ZDHHC3: variants seen among roughly 807,000 people sequenced by gnomAD.
ZDHHC3 encodes zDHHC palmitoyltransferase 3.
In ZDHHC3, 9 loss-of-function variants were observed where a neutral mutation model predicts 30.6. The ratio of observed to expected loss-of-function variants is 0.29; its 90% CI spans 0.18 to 0.51. The LOEUF (loss-of-function observed/expected upper bound fraction) is 0.51. Among genes scored for constraint, ZDHHC3 ranks in the 20% least tolerant of loss-of-function variants. The pLI is 0.97. For missense variants in ZDHHC3, 246 were observed against 384.2 expected (o/e 0.64, Z 3.01); for synonymous variants, 136 against 140.2 (o/e 0.97, Z 0.21).
At chr3:44,949,660 G>C (rs1198455379) in intron 2 of ZDHHC3, among the ~76,000 whole-genome samples, 1 of 152,104 alleles carries the variant, frequency 6.6e-6, no homozygotes, top group East Asian at 1.9e-4. Flanking sequence ...GTCTCACCTT[G>C]AGACATCCAA....
rs1039235940 is a variant in ZDHHC3 at position 44,924,017 on chromosome 3, G to C, written c.*2672C>G. 3.0e-6 allele frequency: 3 copies of C among 985,290 alleles called. No individual in the cohort carries two copies. In the East Asian group the frequency reaches 3.4e-4, roughly 112 times the overall value. 61.0% of individuals were successfully genotyped at this position (985,290 alleles called of 1,614,324 possible). On this transcript the variant is annotated 3_prime_UTR_variant, in exon 7 of 7. Coordinates refer to ENST00000424952, the MANE Select transcript of ZDHHC3 (RefSeq NM_001135179.2). Reference sequence around the variant, plus strand: ...ACCTGACAGAGTTGACAGAAGGAAAGCAAGCTGGGGATCACAATCCAACAA... The same window carrying C: ...ACCTGACAGAGTTGACAGAAGGAAACCAAGCTGGGGATCACAATCCAACAA...
intron 3 of ZDHHC3, among the ~76,000 whole-genome samples, chr3:44,938,981 A>G (rs918613627): frequency 5.9e-5 from 9 of 152,238 alleles, no homozygotes; most frequent in Non-Finnish European, 1.0e-4. Flanking sequence ...TCTGTACAAA[A>G]TAAGTTTATT....
intron 1 of ZDHHC3, among the ~76,000 whole-genome samples, chr3:44,971,490 G>T (rs902586886): frequency 6.6e-6 from 1 of 152,234 alleles, no homozygotes; most frequent in Non-Finnish European, 1.5e-5. Context: ...TGCAAAACAG[G>T]AAGGAACTAA....
At chr3:44,932,088 A>C (rs1701543627) in intron 5 of ZDHHC3, among the ~76,000 whole-genome samples, 1 of 152,166 alleles carries the variant, frequency 6.6e-6, no homozygotes, top group East Asian at 1.9e-4. Flanking sequence ...ATGATAAAAT[A>C]TCCTAATTGG....
At chr3:44,945,363 T>C in intron 2 of ZDHHC3, 71 bp from the exon 3 acceptor site, 2 of 1,600,352 alleles carry the variant, frequency 1.2e-6, no homozygotes, top group Non-Finnish European at 8.5e-7. Context: ...ACAGTGGGGA[T>C]AGTTATTTGA....
chr3:44,918,467 G>A lies in ZDHHC3; in HGVS notation c.*8222C>T, dbSNP rs1009421366. The A allele has an allele frequency of 1.0e-5, 10 of 985,434 alleles. No individual in the cohort carries two copies. Among genetic ancestry groups the A allele is most frequent in the Non-Finnish European group, 1.2e-5 (10 of 829,926 alleles). 61.0% of individuals were successfully genotyped at this position (985,434 alleles called of 1,614,324 possible). ...AGTGCAATGCCAGATGATGGGCAGG[G>A]GCTAGGCTGATGAGTGGCTGAGGCA... On this transcript the variant is annotated 3_prime_UTR_variant, in exon 7 of 7. Transcript: ENST00000424952.
Position 44,920,428 on chromosome 3 carries a change from C to T in ZDHHC3, c.*6261G>A. The T allele has an allele frequency of 7.9e-7, 1 of 1,264,322 alleles. No individual in the cohort carries two copies. The highest frequency in any genetic ancestry group is 1.0e-6 in the Non-Finnish European group (1 of 972,206). 78.3% of individuals were successfully genotyped at this position (1,264,322 alleles called of 1,614,324 possible). A position where few individuals can be genotyped will look rare whatever the true frequency, so the allele number is the denominator to read the frequency against. Reference sequence around the variant, plus strand: ...CTACAGAGGAAACACCCAAAAATGACAGACTGGCTGCATCCACACTGACTT... The same window carrying T: ...CTACAGAGGAAACACCCAAAAATGATAGACTGGCTGCATCCACACTGACTT... On this transcript the variant is annotated 3_prime_UTR_variant, in exon 7 of 7. Transcript: ENST00000424952.
rs749993628 is a variant in ZDHHC3 at position 44,919,723 on chromosome 3, A to G, written c.*6966T>C. On this transcript the variant is annotated 3_prime_UTR_variant, in exon 7 of 7. Coordinates refer to ENST00000424952, the MANE Select transcript of ZDHHC3 (RefSeq NM_001135179.2). Reference sequence around the variant, plus strand: ...TAAGGGTATGGTGTTGCCAATGTCCAGGGTTTTATATTTGTATTATGGTTG... The same window carrying G: ...TAAGGGTATGGTGTTGCCAATGTCCGGGGTTTTATATTTGTATTATGGTTG... The G allele has an allele frequency of 5.2e-5, 15 of 291,096 alleles. No individual in the cohort carries two copies. Among genetic ancestry groups the G allele is most frequent in the Middle Eastern group, 1.6e-3 (1 of 616 alleles). The allele number at this position is 291,096 out of a possible 1,614,324, so 18.0% of individuals were successfully genotyped here. A position where few individuals can be genotyped will look rare whatever the true frequency, so the allele number is the denominator to read the frequency against.
At chr3:44,962,541 AAGGGG>A (rs1553693407) in intron 1 of ZDHHC3, among the ~76,000 whole-genome samples, 1 of 142,556 alleles carries the variant, frequency 7.0e-6, no homozygotes, top group Non-Finnish European at 1.5e-5. Context: ...GGAAGGAAGG[AAGGGG>A]AGGGGAGGGG....
At chr3:44,932,975 C>G in intron 5 of ZDHHC3, 143 bp downstream of exon 5, 1 of 1,614,144 alleles carries the variant, frequency 6.2e-7, no homozygotes, top group Non-Finnish European at 8.5e-7. Flanking sequence ...CATTTCTTCC[C>G]TGTTCAGTCC....
chr3:44,933,859 G>A, intron 4 of ZDHHC3, 29 bp downstream of exon 4: 2 of 1,597,362 alleles, frequency 1.3e-6, no homozygotes, highest in Non-Finnish European at 8.6e-7. Context: ...CTTCATGGGG[G>A]GCAGGGCAGA....
intron 1 of ZDHHC3, among the ~76,000 whole-genome samples, chr3:44,972,210 C>T (rs1479463861): frequency 6.6e-6 from 1 of 152,206 alleles, no homozygotes; most frequent in Non-Finnish European, 1.5e-5. Flanking sequence ...TGCCCATAAT[C>T]ACAGCACTTT....
Position 44,926,399 on chromosome 3 carries a change from A to G in ZDHHC3, c.*290T>C. 1 of 1,142,862 alleles carries G rather than the reference A, an allele frequency of 8.7e-7. No individual in the cohort carries two copies. Among genetic ancestry groups the G allele is most frequent in the East Asian group, 4.9e-5 (1 of 20,592 alleles). 70.8% of individuals were successfully genotyped at this position (1,142,862 alleles called of 1,614,324 possible). On this transcript the variant is annotated 3_prime_UTR_variant, in exon 7 of 7. Coordinates refer to ENST00000424952, the MANE Select transcript of ZDHHC3 (RefSeq NM_001135179.2). Reference sequence around the variant, plus strand: ...CACAGCGCGAGACAGCGCCCTCTACATTAGTCATGCCAGACAGACAGCAGA... The same window carrying G: ...CACAGCGCGAGACAGCGCCCTCTACGTTAGTCATGCCAGACAGACAGCAGA...
At chr3:44,972,823 C>A (rs1416057523) in intron 1 of ZDHHC3, among the ~76,000 whole-genome samples, 1 of 152,110 alleles carries the variant, frequency 6.6e-6, no homozygotes, top group African/African-American at 2.4e-5. Flanking sequence ...CTCTTTATGC[C>A]CATAAGAACA....
At chr3:44,973,709 C>T (rs180922009) in intron 1 of ZDHHC3, among the ~76,000 whole-genome samples, 2 of 152,278 alleles carry the variant, frequency 1.3e-5, no homozygotes, top group Admixed American at 6.5e-5. Flanking sequence ...CCACCGGCCT[C>T]GGCCTCCCAA....
chr3:44,945,724 A>AT (rs1211119459), intron 2 of ZDHHC3, among the ~76,000 whole-genome samples: 1 of 151,498 alleles, frequency 6.6e-6, no homozygotes, highest in Admixed American at 6.6e-5. Context: ...CGCCCAGCTA[A>AT]TTTTTTGTAT....
In ZDHHC3 at chr3:44,922,588, C is replaced by T. The variant is rs1328641160; in HGVS notation, c.*4101G>A. The stretch of plus-strand genomic sequence containing the variant: ...ATCAGCACACCCCAACTGCACTATG[C>T]TGAGCCCAGCAGCACACAAGACCCA... On this transcript the variant is annotated 3_prime_UTR_variant, in exon 7 of 7. Coordinates refer to ENST00000424952, the MANE Select transcript of ZDHHC3 (RefSeq NM_001135179.2). 1 of 985,310 alleles carries T rather than the reference C, an allele frequency of 1.0e-6. No homozygotes were observed. The highest frequency in any genetic ancestry group is 1.7e-5 in the African/African-American group (1 of 57,238). The allele number at this position is 985,310 out of a possible 1,614,324, so 61.0% of individuals were successfully genotyped here.
At chr3:44,954,039 A>G (rs905864127) in intron 2 of ZDHHC3, among the ~76,000 whole-genome samples, 6 of 152,230 alleles carry the variant, frequency 3.9e-5, no homozygotes, top group African/African-American at 1.4e-4. Flanking sequence ...AAGGCTGTTG[A>G]AAGAGACTCC....
At chr3:44,930,155 G>A (rs1701371985) in intron 5 of ZDHHC3, among the ~76,000 whole-genome samples, 1 of 152,238 alleles carries the variant, frequency 6.6e-6, no homozygotes, top group Non-Finnish European at 1.5e-5. Context: ...GGCCAGTCCT[G>A]CCATCTTCAG....
Sources: allele counts gnomAD v4.1 joint callset (sites outside exome capture counted in the v4.1 genomes callset), GRCh38; gene constraint gnomAD v4.1.1; transcripts MANE v1.5; gene names NCBI Gene and HGNC (gene_info 2026-07-23, HGNC 2026-07-21).